The following GALT variants were observed in gnomAD, a reference collection of about 807,000 sequenced individuals.
The protein encoded by GALT is UDP-glucose--hexose-1-phosphate uridylyltransferase.
GALT carries 42 observed loss-of-function variants against 55.4 expected under a neutral mutation model. The ratio of observed to expected loss-of-function variants is 0.76; its 90% CI spans 0.59 to 0.98. The LOEUF is 0.98. Among genes scored for constraint, GALT ranks in the 50% least tolerant of loss-of-function variants. The pLI is 0.00. For synonymous variants in GALT, 154 were observed against 181.5 expected (o/e 0.85, Z 1.22); for missense variants, 407 against 495.7 (o/e 0.82, Z 1.70).
intron 1 of GALT, 100 bp downstream of exon 1, chr9:34,646,886 A>C: frequency 6.2e-7 from 1 of 1,607,880 alleles, no homozygotes; most frequent in Non-Finnish European, 8.5e-7. Flanking sequence ...GCTCATCCCG[A>C]GCCAGACCGA....
Position 34,646,720 on chromosome 9 carries a change from A to G in GALT, c.16A>G (p.Thr6Ala), listed in dbSNP as rs573516675. 1 of 1,613,702 alleles carries G rather than the reference A, an allele frequency of 6.2e-7. No homozygotes were observed. Among genetic ancestry groups the G allele is most frequent in the South Asian group, 1.1e-5 (1 of 91,074 alleles). The change falls in exon 1 of 11, where the codon ACC becomes GCC. Residue 6 changes from threonine (T) to alanine (A), a missense_variant. Thr to Ala is a moderately conservative substitution (Grantham distance 58, BLOSUM62 0). Coordinates refer to ENST00000378842, the MANE Select transcript of GALT (RefSeq NM_000155.4). MSRSG[T>A]DPQQRQQASE... ...CGGTGGCCTCATGTCGCGCAGTGGA[A>G]CCGATCCTCAGCAACGCCAGCAGGC...
At position 34,647,661 on chromosome 9, in the gene GALT, C is replaced by A; in HGVS notation, c.333C>A (p.Pro111=). ...ALQPDAPSPG[P]SDHPLFQAKS... ...AGTGATACTCCTTTACCTCAGGACCCAGTGATCATCCCCTTTTCCAAGCAA... is the reference window on the plus strand; with the variant it reads ...AGTGATACTCCTTTACCTCAGGACCAAGTGATCATCCCCTTTTCCAAGCAA... Residue 111 remains proline (P), a synonymous_variant, in exon 4 of 11, where the codon CCC becomes CCA. Coordinates refer to ENST00000378842, the MANE Select transcript of GALT (RefSeq NM_000155.4). The surrounding 1 kb of genome is among the most constrained non-coding windows in gnomAD (Gnocchi z 5.6). The A allele has an allele frequency of 6.2e-7, 1 of 1,614,148 alleles. No individual in the cohort carries two copies.
At chr9:34,646,853 T>G (rs1821115426) in intron 1 of GALT, 67 bp downstream of exon 1, 4 of 1,610,922 alleles carry the variant, frequency 2.5e-6, no homozygotes, top group Non-Finnish European at 3.4e-6. Context: ...TAGGAAGCTT[T>G]CGTCCCCTCC....
chr9:34,646,695 C>G lies in GALT; in HGVS notation c.-10C>G, dbSNP rs1213688840. ...CCTGCAGATTTTCCAGCGGATCCCC[C>G]GGTGGCCTCATGTCGCGCAGTGGAA... On this transcript the variant is annotated 5_prime_UTR_variant, in exon 1 of 11. Transcript: ENST00000378842. 1 of 1,613,536 alleles carries G rather than the reference C, an allele frequency of 6.2e-7. No homozygotes were observed. Among genetic ancestry groups the G allele is most frequent in the African/African-American group, 1.3e-5 (1 of 74,922 alleles).
chr9:34,648,880 CTGCTGAGCG>C lies in GALT; in HGVS notation c.809_817del (p.Ala270_Arg272del). 6.2e-7 allele frequency: 1 copy of C among 1,613,320 alleles called. No homozygotes were observed. Among genetic ancestry groups the C allele is most frequent in the Non-Finnish European group, 8.5e-7 (1 of 1,180,038 alleles). On this transcript the variant is annotated inframe_deletion, in exon 8 of 11. Transcript: ENST00000378842. The surrounding 1 kb of genome is among the most constrained non-coding windows in gnomAD (Gnocchi z 4.9). ...GTGCGGCGGCTACCTGAGCTGACCC[CTGCTGAGCG>C]TGATGGTCAGTCTCCCAAGTAGGAT...
In GALT at chr9:34,647,296, CG is replaced by C. The variant is rs1564100806; in HGVS notation, c.252+42del. ...AGCCCTGCATCTGCAGGCTGGGCCA[CG>C]GGGAGTAGTTCCCTCTTAGAACTGT... On this transcript the variant is annotated intron_variant, in intron 2 of 10. Coordinates refer to ENST00000378842, the MANE Select transcript of GALT (RefSeq NM_000155.4). This position sits in a 1 kb window ranked among gnomAD's most constrained non-coding sequence, Gnocchi z 5.6. The C allele has an allele frequency of 6.2e-7, 1 of 1,613,114 alleles. No individual in the cohort carries two copies. The highest frequency in any genetic ancestry group is 1.1e-5 in the South Asian group (1 of 91,072).
At position 34,648,702 on chromosome 9, in the gene GALT, C is replaced by T. The variant is rs1422759644; in HGVS notation, c.688-60C>T. 1.2e-6 allele frequency: 2 copies of T among 1,604,932 alleles called. No individual in the cohort carries two copies. The highest frequency in any genetic ancestry group is 1.7e-6 in the Non-Finnish European group (2 of 1,175,930). On this transcript the variant is annotated intron_variant, in intron 7 of 10. Coordinates refer to ENST00000378842, the MANE Select transcript of GALT (RefSeq NM_000155.4). The surrounding 1 kb of genome is among the most constrained non-coding windows in gnomAD (Gnocchi z 4.9). ...TTCTTCTGCTTCCCTTGCCTATTTGCTGACCACACTCCGGCTCCTATGTCA... is the reference window on the plus strand; with the variant it reads ...TTCTTCTGCTTCCCTTGCCTATTTGTTGACCACACTCCGGCTCCTATGTCA...
At chr9:34,649,280 C>A in intron 9 of GALT, 130 bp from the exon 10 acceptor site, 1 of 1,350,048 alleles carries the variant, frequency 7.4e-7, no homozygotes, top group Non-Finnish European at 1.1e-6. Flanking sequence ...TAATCTCCTG[C>A]CAGCTCTTCT....
chr9:34,647,658 A>C lies in GALT; in HGVS notation c.330A>C (p.Gly110=). ...PALQPDAPSP[G]PSDHPLFQAK... The stretch of plus-strand genomic sequence containing the variant: ...GAGAGTGATACTCCTTTACCTCAGG[A>C]CCCAGTGATCATCCCCTTTTCCAAG... The change falls in exon 4 of 11, where the codon GGA becomes GGC. Residue 110 remains glycine (G), a splice_region_variant and synonymous_variant. Transcript: ENST00000378842. This position sits in a 1 kb window ranked among gnomAD's most constrained non-coding sequence, Gnocchi z 5.6. 1.9e-6 allele frequency: 3 copies of C among 1,614,050 alleles called. No homozygotes were observed. The highest frequency in any genetic ancestry group is 2.5e-6 in the Non-Finnish European group (3 of 1,180,008).
Position 34,647,874 on chromosome 9 carries a change from A to G in GALT, c.420A>G (p.Pro140=), listed in dbSNP as rs1821147296. 1 of 1,614,070 alleles carries G rather than the reference A, an allele frequency of 6.2e-7. No homozygotes were observed. The highest frequency in any genetic ancestry group is 8.5e-7 in the Non-Finnish European group (1 of 1,180,012). ...CFHPWSDVTL[P]LMSVPEIRAV... ...ACCCCTGGTCGGATGTAACGCTGCCACTCATGTCGGTCCCTGAGATCCGGG... is the reference window on the plus strand; with the variant it reads ...ACCCCTGGTCGGATGTAACGCTGCCGCTCATGTCGGTCCCTGAGATCCGGG... The change falls in exon 5 of 11, where the codon CCA becomes CCG. Residue 140 remains proline, a synonymous_variant. Transcript: ENST00000378842. The surrounding 1 kb of genome is among the most constrained non-coding windows in gnomAD (Gnocchi z 5.6).
In GALT at chr9:34,647,018, G is replaced by A. The variant is rs1821119109; in HGVS notation, c.83-71G>A. 1 of 1,610,838 alleles carries A rather than the reference G, an allele frequency of 6.2e-7. No homozygotes were observed. The highest frequency in any genetic ancestry group is 1.7e-5 in the Admixed American group (1 of 60,026). ...AGAGGGCGCTCCCGAGCTTGGGCCT[G>A]CTGGTGGGTGAGACCCAGGAGAGAG... On this transcript the variant is annotated intron_variant, in intron 1 of 10. Coordinates refer to ENST00000378842, the MANE Select transcript of GALT (RefSeq NM_000155.4). The surrounding 1 kb of genome is among the most constrained non-coding windows in gnomAD (Gnocchi z 5.6).
rs940532746 is a variant in GALT at position 34,650,733 on chromosome 9, T to C, written c.*284T>C. On this transcript the variant is annotated 3_prime_UTR_variant, in exon 11 of 11. Transcript: ENST00000378842. ...CCCAAATTTCTGAACAAAATTAATA[T>C]TCAGTATTATATCTAGCCTATAGAT... 3 of 457,092 alleles carry C rather than the reference T, an allele frequency of 6.6e-6. No homozygotes were observed. Among genetic ancestry groups the C allele is most frequent in the East Asian group, 4.2e-5 (1 of 23,982 alleles). The allele number at this position is 457,092 out of a possible 1,614,324, so 28.3% of individuals were successfully genotyped here.
At chr9:34,650,282 C>CAA (rs56121779) in intron 10 of GALT, 87 bp from the exon 11 acceptor site, 13,897 of 575,874 alleles carry the variant, frequency 0.024, 19 homozygotes, top group Middle Eastern at 0.026. Flanking sequence ...GACCTCGTCT[C>CAA]AAAAAAAAAA....
At chr9:34,649,221 T>A in intron 9 of GALT, 140 bp downstream of exon 9, 2 of 1,195,188 alleles carry the variant, frequency 1.7e-6, no homozygotes, top group Non-Finnish European at 2.5e-6. Context: ...ATGCTGGGAC[T>A]GAGGGTGGAG....
Position 34,648,023 on chromosome 9 carries a change from G to A in GALT, c.507+62G>A, listed in dbSNP as rs2277202. 96,731 of 1,614,130 alleles carry A rather than the reference G, an allele frequency of 0.06. 3,191 individuals carry two copies. The highest frequency in any genetic ancestry group is 0.075 in the South Asian group (6,843 of 91,072). On this transcript the variant is annotated intron_variant, in intron 5 of 10. Transcript: ENST00000378842. The surrounding 1 kb of genome is among the most constrained non-coding windows in gnomAD (Gnocchi z 4.9). Reference sequence around the variant, plus strand: ...AGGGGGTGATGAAGCTTTGGTTCTGGGGAGTAACATTTCTGTTTCCACAGG... The same window carrying A: ...AGGGGGTGATGAAGCTTTGGTTCTGAGGAGTAACATTTCTGTTTCCACAGG...
In GALT at chr9:34,646,798, G is replaced by C; in HGVS notation, c.82+12G>C. On this transcript the variant is annotated intron_variant, in intron 1 of 10. Transcript: ENST00000378842. ...CTTCCGGGCAAACGGTAACTGCACC[G>C]CGGCAGGGACTCGCTGGGGCGCGGA... The C allele has an allele frequency of 1.2e-6, 2 of 1,613,364 alleles. No homozygotes were observed. Among genetic ancestry groups the C allele is most frequent in the South Asian group, 2.2e-5 (2 of 91,076 alleles).
Position 34,647,541 on chromosome 9 carries a change from C to G in GALT, c.302C>G (p.Ala101Gly). 1.2e-6 allele frequency: 2 copies of G among 1,614,188 alleles called. No homozygotes were observed. Among genetic ancestry groups the G allele is most frequent in the South Asian group, 2.2e-5 (2 of 91,086 alleles). Residue 101 changes from alanine to glycine, a missense_variant, in exon 3 of 11, where the codon GCT (alanine) becomes GGT (glycine). By Grantham distance (60) the Ala-to-Gly change is moderately conservative. Coordinates refer to ENST00000378842, the MANE Select transcript of GALT (RefSeq NM_000155.4). The surrounding 1 kb of genome is among the most constrained non-coding windows in gnomAD (Gnocchi z 5.6). ...TTCCTGTTTGACAACGACTTCCCAG[C>G]TCTGCAGCCTGATGCCCCCAGTCCA... ...STFLFDNDFPALQPDAPSPGP... is the reference protein window; with the variant it reads ...STFLFDNDFPGLQPDAPSPGP...
Position 34,648,925 on chromosome 9 carries a change from G to C in GALT, c.820+31G>C. On this transcript the variant is annotated intron_variant, in intron 8 of 10. Coordinates refer to ENST00000378842, the MANE Select transcript of GALT (RefSeq NM_000155.4). This position sits in a 1 kb window ranked among gnomAD's most constrained non-coding sequence, Gnocchi z 4.9. ...TCTCCCAAGTAGGATCCTGGGGCTA[G>C]GCACTGGATGGAGGTTGCTCCCAGT... 6.2e-7 allele frequency: 1 copy of C among 1,613,818 alleles called. No homozygotes were observed. Among genetic ancestry groups the C allele is most frequent in the South Asian group, 1.1e-5 (1 of 91,078 alleles).
In GALT at chr9:34,648,715, G is replaced by A. The variant is rs140486988; in HGVS notation, c.688-47G>A. 4.3e-5 allele frequency: 69 copies of A among 1,609,968 alleles called. No individual in the cohort carries two copies. Among genetic ancestry groups the A allele is most frequent in the African/African-American group, 1.5e-4 (11 of 74,954 alleles). On this transcript the variant is annotated intron_variant, in intron 7 of 10. Transcript: ENST00000378842. This position sits in a 1 kb window ranked among gnomAD's most constrained non-coding sequence, Gnocchi z 4.9. ...CTTGCCTATTTGCTGACCACACTCC[G>A]GCTCCTATGTCACCTTGATGACTTC... is the stretch of plus-strand genomic sequence containing the variant.
Sources: allele counts gnomAD v4.1 joint callset, GRCh38; gene constraint gnomAD v4.1.1; non-coding constraint Gnocchi (gnomAD v3.1); transcripts MANE v1.5; gene names NCBI Gene and HGNC (gene_info 2026-07-23, HGNC 2026-07-21).